IL1RAPL2: variants seen among roughly 807,000 people sequenced by gnomAD.
IL1RAPL2 encodes X-linked interleukin-1 receptor accessory protein-like 2.
Under a neutral mutation model 44.1 loss-of-function variants are expected in IL1RAPL2, and 3 were observed. The ratio of observed to expected loss-of-function variants is 0.07; its 90% CI spans 0.03 to 0.18. The LOEUF is 0.18. Ranked by LOEUF, IL1RAPL2 falls within the 10% of genes least tolerant of loss-of-function variation. The pLI, the probability that IL1RAPL2 is intolerant of heterozygous loss-of-function variation, is 1.00. For missense variants in IL1RAPL2, 391 were observed against 496.4 expected (o/e 0.79, Z 2.02); for synonymous variants, 181 against 178.8 (o/e 1.01, Z -0.10).
intron 2 of IL1RAPL2, among the ~76,000 whole-genome samples, chrX:104,815,867 C>CCCTTTGTT (rs1921122260): frequency 9.6e-6 from 1 of 103,635 alleles, no homozygotes; most frequent in Admixed American, 1.1e-4. Context: ...CTAGCCTTTT[C>CCCTTTGTT]CCTTTGTTCC....
intron 2 of IL1RAPL2, among the ~76,000 whole-genome samples, chrX:105,156,786 ATCTCGAGACCCT>A (rs1331876510): frequency 8.9e-6 from 1 of 112,273 alleles, no homozygotes; most frequent in Non-Finnish European, 1.9e-5. Flanking sequence ...TATTTATTTG[ATCTCGAGACCCT>A]TCTCAAATAC....
intron 7 of IL1RAPL2, among the ~76,000 whole-genome samples, chrX:105,731,051 A>G (rs763281031): frequency 4.5e-5 from 5 of 111,194 alleles, no homozygotes; most frequent in Non-Finnish European, 9.5e-5. Flanking sequence ...AACAAAATAG[A>G]CACTCAAAAA....
intron 6 of IL1RAPL2, among the ~76,000 whole-genome samples, chrX:105,519,388 G>A: frequency 9.0e-6 from 1 of 111,473 alleles, no homozygotes; most frequent in East Asian, 2.8e-4. Context: ...GCTTCAGAGG[G>A]GGGATGGTAA....
intron 2 of IL1RAPL2, among the ~76,000 whole-genome samples, chrX:105,036,299 A>G (rs1377606225): frequency 8.9e-6 from 1 of 111,928 alleles, no homozygotes; most frequent in East Asian, 2.8e-4. Flanking sequence ...AAATGAGAAC[A>G]CAGAAAGTTT....
In IL1RAPL2 at chrX:104,668,514, C is replaced by T. The variant is rs1198235544; in HGVS notation, c.82+9519C>T. On this transcript the variant is annotated intron_variant, in intron 2 of 10. Transcript: ENST00000372582. The stretch of plus-strand genomic sequence containing the variant: ...ACAACAGTCCCCAGAGTGTGATGCT[C>T]GTGTTTCTGTTCACATGCTTTACAT... Among the ~76,000 whole-genome samples, 4 of 86,608 alleles carry T rather than the reference C, an allele frequency of 4.6e-5. No homozygotes were observed. The East Asian group carries it at 1.3e-3, about 27-fold the overall frequency. 75.2% of individuals were successfully genotyped at this position (86,608 alleles called of 115,157 possible). A position where few individuals can be genotyped will look rare whatever the true frequency, so the allele number is the denominator to read the frequency against.
chrX:105,751,590 T>A (rs2038597949), intron 9 of IL1RAPL2, among the ~76,000 whole-genome samples: 1 of 111,869 alleles, frequency 8.9e-6, no homozygotes, highest in Non-Finnish European at 1.9e-5. Context: ...GCATTTTGAT[T>A]ACATAATTTT....
rs753639894 is a variant in IL1RAPL2 at position 104,904,321 on chromosome X, C to CT, written c.82+245329dup. Among the ~76,000 whole-genome samples, 5 of 108,764 alleles carry CT rather than the reference C, an allele frequency of 4.6e-5. No individual in the cohort carries two copies. The South Asian group carries it at 2.0e-3, about 44-fold the overall frequency. The allele number at this position is 108,764 out of a possible 115,157, so 94.4% of individuals were successfully genotyped here. ...TTATTCTTTTTTTCTCATTATTATA[C>CT]TTTAAGTTTTAGGGTACATGTGCAC... On this transcript the variant is annotated intron_variant, in intron 2 of 10. Transcript: ENST00000372582.
intron 3 of IL1RAPL2, among the ~76,000 whole-genome samples, chrX:105,212,269 C>T (rs1231931105): frequency 1.4e-4 from 16 of 112,104 alleles, no homozygotes; most frequent in African/African-American, 5.2e-4. Flanking sequence ...GATGGTCAAG[C>T]TTTGTTGGCG....
chrX:104,847,900 G>A (rs1305283206), intron 2 of IL1RAPL2, among the ~76,000 whole-genome samples: 5 of 110,685 alleles, frequency 4.5e-5, no homozygotes, highest in Admixed American at 9.6e-5. Flanking sequence ...CCTTGAAGAG[G>A]TCCTTCACAT....
chrX:105,626,182 A>G (rs1366072970), intron 6 of IL1RAPL2, among the ~76,000 whole-genome samples: 1 of 111,901 alleles, frequency 8.9e-6, no homozygotes, highest in Non-Finnish European at 1.9e-5. Context: ...AATTCTTTGA[A>G]GCCTTGCTTT....
chrX:104,616,691 C>G (rs1005492471), intron 1 of IL1RAPL2, among the ~76,000 whole-genome samples: 1 of 111,700 alleles, frequency 9.0e-6, no homozygotes, highest in Non-Finnish European at 1.9e-5. Context: ...GGTACTGACT[C>G]AGTACAGGAA....
At chrX:105,415,952 C>A (rs1362455132) in intron 5 of IL1RAPL2, among the ~76,000 whole-genome samples, 1 of 111,508 alleles carries the variant, frequency 9.0e-6, no homozygotes, top group Non-Finnish European at 1.9e-5. Flanking sequence ...TTATCAAAAC[C>A]AATCCTCTAC....
At chrX:105,636,871 C>G (rs1602497562) in intron 6 of IL1RAPL2, among the ~76,000 whole-genome samples, 1 of 110,869 alleles carries the variant, frequency 9.0e-6, no homozygotes, top group African/African-American at 3.3e-5. Flanking sequence ...TAGGGATCTG[C>G]AAAAAGGGCC....
chrX:104,700,052 T>C (rs1195962749), intron 2 of IL1RAPL2, among the ~76,000 whole-genome samples: 1 of 112,190 alleles, frequency 8.9e-6, no homozygotes, highest in Admixed American at 9.5e-5. Context: ...ATTGGGTGGC[T>C]TTATATTCAG....
intron 6 of IL1RAPL2, among the ~76,000 whole-genome samples, chrX:105,710,799 GAGAA>G (rs1277408928): frequency 9.2e-6 from 1 of 109,234 alleles, no homozygotes; most frequent in Non-Finnish European, 1.9e-5. Context: ...AATAATCTCA[GAGAA>G]AGAAAGGACC....
intron 1 of IL1RAPL2, chrX:104,648,064 C>A: frequency 2.1e-6 from 1 of 476,540 alleles, no homozygotes; most frequent in Non-Finnish European, 3.8e-6. Context: ...ATTCCCCAGC[C>A]ACACATCCAA....
chrX:104,954,745 G>A (rs149337474), intron 2 of IL1RAPL2, among the ~76,000 whole-genome samples: 2 of 112,192 alleles, frequency 1.8e-5, no homozygotes, highest in African/African-American at 6.5e-5. Flanking sequence ...GTGTAAGACG[G>A]GTGGCCTAAT....
chrX:105,152,824 GTC>G (rs1192724291), intron 2 of IL1RAPL2, among the ~76,000 whole-genome samples: 2 of 111,954 alleles, frequency 1.8e-5, no homozygotes, highest in African/African-American at 3.2e-5. Flanking sequence ...CCCCTGTTTT[GTC>G]TCTCTCATCC....
intron 1 of IL1RAPL2, among the ~76,000 whole-genome samples, chrX:104,582,596 T>TCTTTTTC (rs1928380663): frequency 1.9e-5 from 1 of 52,188 alleles, no homozygotes; most frequent in Non-Finnish European, 3.8e-5. Context: ...CTTTCTTTCT[T>TCTTTTTC]TTTCTTTCTT....
Sources: allele counts gnomAD v4.1 joint callset (sites outside exome capture counted in the v4.1 genomes callset), GRCh38; gene constraint gnomAD v4.1.1; transcripts MANE v1.5; gene names NCBI Gene and HGNC (gene_info 2026-07-23, HGNC 2026-07-21).